The following RIN3 variants were observed in gnomAD, a reference collection of about 807,000 sequenced individuals.
RIN3 encodes the protein Ras and Rab interactor 3.
In RIN3, 54 loss-of-function variants were observed where a neutral mutation model predicts 76.3. The ratio of observed to expected loss-of-function variants is 0.71; its 90% confidence interval spans 0.57 to 0.89. The LOEUF is 0.89. Among genes scored for constraint, RIN3 ranks in the 40% least tolerant of loss-of-function variants. The pLI is 0.00. For synonymous variants in RIN3, 576 were observed against 564.0 expected (o/e 1.02, Z -0.30); for missense variants, 1,256 against 1,322.1 (o/e 0.95, Z 0.78).
chr14:92,688,173 A>G lies in RIN3; in HGVS notation c.2879A>G (p.Tyr960Cys), dbSNP rs752500097. 3.7e-6 allele frequency: 6 copies of G among 1,601,650 alleles called. No homozygotes were observed. Among genetic ancestry groups the G allele is most frequent in the Non-Finnish European group, 5.1e-6 (6 of 1,176,758 alleles). The change falls in exon 10 of 10, where the codon TAC (tyrosine) becomes TGC (cysteine). Residue 960 changes from tyrosine (Y) to cysteine (C), a missense_variant. Physicochemically the swap from Tyr to Cys is radical, Grantham distance 194. Coordinates refer to ENST00000216487, the MANE Select transcript of RIN3 (RefSeq NM_024832.5). The part of the protein sequence containing the change: ...SEPKRDFHFV[Y>C]RPLDGGGGGG... The stretch of plus-strand genomic sequence containing the variant: ...CCCAAGCGCGACTTCCACTTTGTCT[A>G]CCGGCCCCTGGACGGTGGTGGCGGC...
chr14:92,596,364 C>A (rs999111621), intron 3 of RIN3, among the ~76,000 whole-genome samples: 1 of 152,176 alleles, frequency 6.6e-6, no homozygotes, highest in Non-Finnish European at 1.5e-5. Context: ...GTCTTCATAA[C>A]GCTATGAAAC....
chr14:92,535,200 C>A (rs1343135181), intron 1 of RIN3, among the ~76,000 whole-genome samples: 1 of 152,186 alleles, frequency 6.6e-6, no homozygotes, highest in African/African-American at 2.4e-5. Context: ...TTGCTTATTT[C>A]CCTATTCATT....
intron 5 of RIN3, among the ~76,000 whole-genome samples, chr14:92,645,796 A>G (rs1390607152): frequency 6.6e-6 from 1 of 152,154 alleles, no homozygotes; most frequent in Non-Finnish European, 1.5e-5. Flanking sequence ...TTTACTGAAA[A>G]TTCAAAAATT....
At chr14:92,572,517 T>G (rs930042210) in intron 2 of RIN3, among the ~76,000 whole-genome samples, 7 of 152,294 alleles carry the variant, frequency 4.6e-5, no homozygotes, top group African/African-American at 1.4e-4. Context: ...AGACAGTTAA[T>G]AACCGCCTGC....
intron 1 of RIN3, among the ~76,000 whole-genome samples, chr14:92,548,703 T>C (rs967585306): frequency 1.3e-5 from 2 of 152,164 alleles, no homozygotes; most frequent in African/African-American, 4.8e-5. Flanking sequence ...TTCCTTCTTA[T>C]AGGGACACCT....
chr14:92,582,951 C>T (rs1219132488), intron 3 of RIN3, among the ~76,000 whole-genome samples: 1 of 152,172 alleles, frequency 6.6e-6, no homozygotes, highest in African/African-American at 2.4e-5. Context: ...ACCATGGAAG[C>T]CACACAGCTT....
At chr14:92,565,957 T>G (rs1295167780) in intron 2 of RIN3, among the ~76,000 whole-genome samples, 1 of 152,218 alleles carries the variant, frequency 6.6e-6, no homozygotes, top group Non-Finnish European at 1.5e-5. Flanking sequence ...GCTCTGGAGC[T>G]GTAAGAAAGT....
chr14:92,539,341 T>C (rs893669750), intron 1 of RIN3, among the ~76,000 whole-genome samples: 1 of 152,236 alleles, frequency 6.6e-6, no homozygotes, highest in African/African-American at 2.4e-5. Flanking sequence ...CATCACTGAA[T>C]GCTTGCTGGA....
rs140223109 is a variant in RIN3, at chr14:92,615,480, G to A, written c.440+1G>A. On this transcript the variant is annotated splice_donor_variant, in intron 4 of 9. Transcript: ENST00000216487. LOFTEE classifies it high-confidence loss of function. Reference sequence around the variant, plus strand: ...TGATTGCGTTCTACTGTGTCAGTAGGTGAGTAGACCCGGCCCTGCAGGAGG... The same window carrying A: ...TGATTGCGTTCTACTGTGTCAGTAGATGAGTAGACCCGGCCCTGCAGGAGG... 6.2e-7 allele frequency: 1 copy of A among 1,612,388 alleles called. No individual in the cohort carries two copies. The highest frequency in any genetic ancestry group is 8.5e-7 in the Non-Finnish European group (1 of 1,178,396).
In RIN3 at chr14:92,687,521, C is replaced by A. The variant is rs773247649; in HGVS notation, c.2632-405C>A. The A allele has an allele frequency of 1.1e-3, 223 of 204,526 alleles. 2 individuals are homozygous for A. Among genetic ancestry groups the A allele is most frequent in the Non-Finnish European group, 1.8e-3 (186 of 101,734 alleles). The allele number at this position is 204,526 out of a possible 1,614,324, so 12.7% of individuals were successfully genotyped here. ...CCGCCCGCACTATGGGATGCCCGGGCGGGCTCGCACCTCCCTTCTTATCTG... is the reference window on the plus strand; with the variant it reads ...CCGCCCGCACTATGGGATGCCCGGGAGGGCTCGCACCTCCCTTCTTATCTG... On this transcript the variant is annotated intron_variant, in intron 9 of 9. Transcript: ENST00000216487.
chr14:92,564,030 A>G (rs760138335), intron 2 of RIN3, among the ~76,000 whole-genome samples: 4 of 152,256 alleles, frequency 2.6e-5, no homozygotes, highest in Admixed American at 6.5e-5. Context: ...CCCTGTGGAC[A>G]TAGCCTCTCA....
intron 1 of RIN3, among the ~76,000 whole-genome samples, chr14:92,520,897 A>T (rs1249675669): frequency 6.6e-6 from 1 of 152,106 alleles, no homozygotes; most frequent in East Asian, 1.9e-4. Flanking sequence ...TTCTCTAGGG[A>T]TGTTGCAGTT....
Position 92,548,479 on chromosome 14 carries a change from T to C in RIN3, c.45-7272T>C, listed in dbSNP as rs549071090. On this transcript the variant is annotated intron_variant, in intron 1 of 9. Coordinates refer to ENST00000216487, the MANE Select transcript of RIN3 (RefSeq NM_024832.5). ...ACTTTGCAGCTTAAAGCAGCAGAAA[T>C]TTATTTTCTTGTGGTTCTCAAGGCC... Among the ~76,000 whole-genome samples, 6 of 152,294 alleles carry C rather than the reference T, an allele frequency of 3.9e-5. No homozygotes were observed. The South Asian group carries it at 1.2e-3, about 32-fold the overall frequency.
intron 2 of RIN3, among the ~76,000 whole-genome samples, chr14:92,571,639 T>C (rs1898063809): frequency 6.6e-6 from 1 of 152,184 alleles, no homozygotes; most frequent in Admixed American, 6.5e-5. Flanking sequence ...TGCTCCTCCT[T>C]CAGATGCCAG....
rs543306913 is a variant in RIN3, at chr14:92,677,157, G to A, written c.2467+551G>A. Among the ~76,000 whole-genome samples, 6 of 152,304 alleles carry A rather than the reference G, an allele frequency of 3.9e-5. No individual in the cohort carries two copies. The South Asian group carries it at 6.2e-4, about 16-fold the overall frequency. The stretch of plus-strand genomic sequence containing the variant: ...GGGTCAGGACCTCCATCAGTGGGAA[G>A]TTAATGATATGAGTAAGAAGCCCTG... On this transcript the variant is annotated intron_variant, in intron 8 of 9. Transcript: ENST00000216487.
At chr14:92,579,116 C>T (rs1307747011) in intron 3 of RIN3, among the ~76,000 whole-genome samples, 1 of 151,932 alleles carries the variant, frequency 6.6e-6, no homozygotes, top group East Asian at 1.9e-4. Context: ...TTAGTAGAGA[C>T]GGAGTTTCTC....
chr14:92,561,504 T>A (rs1431753791), intron 2 of RIN3, among the ~76,000 whole-genome samples: 3 of 150,796 alleles, frequency 2.0e-5, no homozygotes, highest in Non-Finnish European at 4.4e-5. Flanking sequence ...TTTTTTTTTT[T>A]ATTTTAGAAT....
intron 4 of RIN3, among the ~76,000 whole-genome samples, chr14:92,624,153 T>C (rs1302289539): frequency 1.3e-5 from 2 of 152,260 alleles, no homozygotes; most frequent in African/African-American, 4.8e-5. Context: ...TTGTATCCTG[T>C]TTCAATTGTC....
intron 2 of RIN3, among the ~76,000 whole-genome samples, chr14:92,571,319 A>G (rs376228235): frequency 1.1e-3 from 162 of 151,996 alleles, no homozygotes; most frequent in African/African-American, 3.8e-3. Flanking sequence ...TTCTTTTAAT[A>G]CTCCAGAAGA....
Sources: allele counts gnomAD v4.1 joint callset (sites outside exome capture counted in the v4.1 genomes callset), GRCh38; gene constraint gnomAD v4.1.1; transcripts MANE v1.5; gene names NCBI Gene and HGNC (gene_info 2026-07-23, HGNC 2026-07-21).